SALL4: variants seen among roughly 807,000 people sequenced by gnomAD.
SALL4 encodes the protein spalt like transcription factor 4, also known as sal-like protein 4.
A neutral mutation model predicts 60.8 loss-of-function variants in SALL4; 4 were observed. The observed-to-expected ratio is 0.07, with a 90% CI of 0.03 to 0.15. The LOEUF (loss-of-function observed/expected upper bound fraction) is 0.15, where lower values mean the gene tolerates loss of function less well. Ranked by LOEUF, SALL4 falls within the 10% of genes least tolerant of loss-of-function variation. The pLI is 1.00. For synonymous variants in SALL4, 580 were observed against 574.9 expected (o/e 1.01, Z -0.13); for missense variants, 1,178 against 1,394.7 (o/e 0.84, Z 2.48).
chr20:51,802,169 C>A, intron 1 of SALL4, 110 bp downstream of exon 1: 1 of 1,352,074 alleles, frequency 7.4e-7, no homozygotes, highest in Non-Finnish European at 9.9e-7. Context: ...CAAATCTCGG[C>A]TCCTGAATTT....
chr20:51,798,945 G>T (rs1307557155), intron 1 of SALL4, among the ~76,000 whole-genome samples: 2 of 152,078 alleles, frequency 1.3e-5, no homozygotes, highest in Non-Finnish European at 2.9e-5. Context: ...GCAGGGCAAG[G>T]CACCACGGGC....
At chr20:51,800,956 C>T (rs1452912591) in intron 1 of SALL4, among the ~76,000 whole-genome samples, 1 of 152,162 alleles carries the variant, frequency 6.6e-6, no homozygotes. Flanking sequence ...GGCGGGGATA[C>T]GGAAGCCAAA....
chr20:51,787,948 A>G (rs1402677514), intron 3 of SALL4, among the ~76,000 whole-genome samples: 1 of 151,778 alleles, frequency 6.6e-6, no homozygotes, highest in Non-Finnish European at 1.5e-5. Context: ...CAGCCTCCCA[A>G]GTAGCTGGGC....
intron 3 of SALL4, among the ~76,000 whole-genome samples, chr20:51,785,477 T>G (rs1447789265): frequency 6.6e-6 from 1 of 152,156 alleles, no homozygotes; most frequent in Non-Finnish European, 1.5e-5. Flanking sequence ...CACTTTATAT[T>G]TAGAAAATCA....
chr20:51,784,122 A>G lies in SALL4; in HGVS notation c.*143T>C. On this transcript the variant is annotated 3_prime_UTR_variant, in exon 4 of 4. Transcript: ENST00000217086. The stretch of plus-strand genomic sequence containing the variant: ...CAATCGTGATTGTAGCACTTGCCTG[A>G]GGTTGTGGTCACAACCAACGTAGTA... 1 of 911,344 alleles carries G rather than the reference A, an allele frequency of 1.1e-6. No homozygotes were observed. Among genetic ancestry groups the G allele is most frequent in the Non-Finnish European group, 1.7e-6 (1 of 578,996 alleles). 56.5% of individuals were successfully genotyped at this position (911,344 alleles called of 1,614,324 possible).
At position 51,783,609 on chromosome 20, in the gene SALL4, T is replaced by C. The variant is rs1166785851; in HGVS notation, c.*656A>G. The stretch of plus-strand genomic sequence containing the variant: ...TTCAGTAAGTTCCAACGATTCTACC[T>C]TGAAATAGGTAACAGTCTTTGGAAA... On this transcript the variant is annotated 3_prime_UTR_variant, in exon 4 of 4. Transcript: ENST00000217086. The C allele has an allele frequency of 6.5e-6, 1 of 152,892 alleles. No homozygotes were observed. The highest frequency in any genetic ancestry group is 1.5e-5 in the Non-Finnish European group (1 of 68,650). The allele number at this position is 152,892 out of a possible 1,614,324, so 9.5% of individuals were successfully genotyped here. A position where few individuals can be genotyped will look rare whatever the true frequency, so the allele number is the denominator to read the frequency against.
At position 51,791,484 on chromosome 20, in the gene SALL4, A is replaced by G; in HGVS notation, c.999T>C (p.Ala333=). 6.2e-7 allele frequency: 1 copy of G among 1,614,120 alleles called. No homozygotes were observed. Among genetic ancestry groups the G allele is most frequent in the Non-Finnish European group, 8.5e-7 (1 of 1,179,988 alleles). Residue 333 remains alanine (A), a synonymous_variant, in exon 2 of 4, where the codon GCT becomes GCC. Coordinates refer to ENST00000217086, the MANE Select transcript of SALL4 (RefSeq NM_020436.5). The surrounding 1 kb of genome is among the most constrained non-coding windows in gnomAD (Gnocchi z 4.6). The part of the protein sequence containing the change: ...LPNVMSRLPS[A]LLPQAPGSVL... The stretch of plus-strand genomic sequence containing the variant: ...CCGAGCCCGGGGCCTGAGGAAGCAA[A>G]GCGCTCGGGAGGCGGGACATGACGT...
In SALL4 at chr20:51,788,531, A is replaced by G. The variant is rs950442203; in HGVS notation, c.2742+330T>C. On this transcript the variant is annotated intron_variant, in intron 3 of 3. Transcript: ENST00000217086. This position sits in a 1 kb window ranked among gnomAD's most constrained non-coding sequence, Gnocchi z 4.1. Reference sequence around the variant, plus strand: ...CGGTGAAACCCCACCTCTACTAAAAATACAAAAAAATTAGCCGGCCATGGT... The same window carrying G: ...CGGTGAAACCCCACCTCTACTAAAAGTACAAAAAAATTAGCCGGCCATGGT... 2.0e-5 allele frequency among the ~76,000 whole-genome samples: 3 copies of G among 152,022 alleles called. No individual in the cohort carries two copies. The highest frequency in any genetic ancestry group is 2.9e-5 in the Non-Finnish European group (2 of 67,996).
rs1305325839 is a variant in SALL4, at chr20:51,784,297, A to C, written c.3130T>G (p.Phe1044Val). The C allele has an allele frequency of 7.4e-6, 12 of 1,614,130 alleles. No homozygotes were observed. Among genetic ancestry groups the C allele is most frequent in the Non-Finnish European group, 1.0e-5 (12 of 1,180,024 alleles). ...ACCGCAATCTTGTTTTCTTCCAGGA[A>C]GTGAGGAAACTGGTGTTTGGGAACG... ...DGVPKHQFPH[F>V]LEENKIAVS Residue 1044 changes from phenylalanine to valine, a missense_variant, in exon 4 of 4, where the codon TTC becomes GTC. Physicochemically the swap from Phe to Val is conservative, Grantham distance 50 (BLOSUM62 -1). This residue lies in a region of SALL4 where 174 missense variants were observed against 169.6 expected (regional missense o/e 1.03). Coordinates refer to ENST00000217086, the MANE Select transcript of SALL4 (RefSeq NM_020436.5).
At chr20:51,802,169 CT>C in intron 1 of SALL4, 109 bp downstream of exon 1, 1 of 1,352,074 alleles carries the variant, frequency 7.4e-7, no homozygotes, top group Non-Finnish European at 9.9e-7. Context: ...CAAATCTCGG[CT>C]CCTGAATTTG....
At chr20:51,797,844 G>A (rs951111573) in intron 1 of SALL4, among the ~76,000 whole-genome samples, 3 of 152,044 alleles carry the variant, frequency 2.0e-5, no homozygotes, top group Admixed American at 6.6e-5. Flanking sequence ...TATTGTATAG[G>A]AAGAAAGTTC....
intron 1 of SALL4, among the ~76,000 whole-genome samples, chr20:51,799,898 A>G (rs537222532): frequency 7.2e-5 from 11 of 152,294 alleles, no homozygotes; most frequent in African/African-American, 2.2e-4. Context: ...GCTTTGCAAA[A>G]TAAGACCAGC....
chr20:51,797,107 G>C (rs1435009611), intron 1 of SALL4, among the ~76,000 whole-genome samples: 1 of 151,788 alleles, frequency 6.6e-6, no homozygotes, highest in Non-Finnish European at 1.5e-5. Flanking sequence ...TACCACAGTG[G>C]TATTAATAGA....
At position 51,784,236 on chromosome 20, in the gene SALL4, T is replaced by C. The variant is rs1229447974; in HGVS notation, c.*29A>G. On this transcript the variant is annotated 3_prime_UTR_variant, in exon 4 of 4. Transcript: ENST00000217086. ...CAGATTCTAGAGATTTCACTGTGTC[T>C]GCATTGCTCCTTCCACGCAAGTTCT... 3 of 1,611,656 alleles carry C rather than the reference T, an allele frequency of 1.9e-6. No individual in the cohort carries two copies. The highest frequency in any genetic ancestry group is 1.3e-5 in the African/African-American group (1 of 74,858).
Position 51,791,409 on chromosome 20 carries a change from T to C in SALL4, c.1074A>G (p.Lys358=). Residue 358 remains lysine (K), a synonymous_variant, in exon 2 of 4, where the codon AAA becomes AAG. Transcript: ENST00000217086. This position sits in a 1 kb window ranked among gnomAD's most constrained non-coding sequence, Gnocchi z 4.6. ...AGATGTTCGGTGGCTTCCCCTTCCC[T>C]TTCTTGGATGTGTCTAGCGCCACAG... is the stretch of plus-strand genomic sequence containing the variant. ...FSTVALDTSK[K]GKGKPPNISA... is the part of the protein sequence containing the mutation. 1 of 1,614,186 alleles carries C rather than the reference T, an allele frequency of 6.2e-7. No individual in the cohort carries two copies. The highest frequency in any genetic ancestry group is 8.5e-7 in the Non-Finnish European group (1 of 1,180,040).
In SALL4 at chr20:51,784,062, TTA is replaced by T. The variant is rs901866958; in HGVS notation, c.*201_*202del. On this transcript the variant is annotated 3_prime_UTR_variant, in exon 4 of 4. Coordinates refer to ENST00000217086, the MANE Select transcript of SALL4 (RefSeq NM_020436.5). Reference sequence around the variant, plus strand: ...ATTTGTTTTGGTATGCATTTTTTTTTTATTTTTTCAACTTTTTGCAAAGCAGC... The same window carrying T: ...ATTTGTTTTGGTATGCATTTTTTTTTTTTTTTCAACTTTTTGCAAAGCAGC... 1.6e-6 allele frequency: 1 copy of T among 625,866 alleles called. No homozygotes were observed. The highest frequency in any genetic ancestry group is 1.8e-5 in the African/African-American group (1 of 54,220). 38.8% of individuals were successfully genotyped at this position (625,866 alleles called of 1,614,324 possible). A position where few individuals can be genotyped will look rare whatever the true frequency, so the allele number is the denominator to read the frequency against.
In SALL4 at chr20:51,802,363, C is replaced by T. The variant is rs1318541476; in HGVS notation, c.46G>A (p.Glu16Lys). 8.1e-6 allele frequency: 13 copies of T among 1,611,390 alleles called. No individual in the cohort carries two copies. The highest frequency in any genetic ancestry group is 1.3e-5 in the African/African-American group (1 of 74,874). The change falls in exon 1 of 4, where the codon GAG becomes AAG. Residue 16 changes from glutamate (E) to lysine (K), a missense_variant. By Grantham distance (56) the Glu-to-Lys change is moderately conservative. Around this residue, in one of 5 missense-constraint regions of SALL4, gnomAD observed 108 missense variants for 95.7 expected, o/e 1.13. Coordinates refer to ENST00000217086, the MANE Select transcript of SALL4 (RefSeq NM_020436.5). ...TGCGGCTGCTGCTCGCCCTGGTCCT[C>T]CTCCGAGTTGATGTGCTGGGGTTTC... ...QAKPQHINSE[E>K]DQGEQQPQQQ...
At position 51,802,435 on chromosome 20, in the gene SALL4, G is replaced by A. The variant is rs534291851; in HGVS notation, c.-27C>T. The A allele has an allele frequency of 2.0e-5, 33 of 1,612,584 alleles. No individual in the cohort carries two copies. Among genetic ancestry groups the A allele is most frequent in the Admixed American group, 5.0e-5 (3 of 59,996 alleles). The stretch of plus-strand genomic sequence containing the variant: ...GTGCGAGCATCGGGGCGCCGGGAGA[G>A]CCGCAGTTATTTGCCCTCTCCGCCA... On this transcript the variant is annotated 5_prime_UTR_variant, in exon 1 of 4. Coordinates refer to ENST00000217086, the MANE Select transcript of SALL4 (RefSeq NM_020436.5).
chr20:51,798,847 AAAC>A (rs2078094120), intron 1 of SALL4, among the ~76,000 whole-genome samples: 1 of 119,262 alleles, frequency 8.4e-6, no homozygotes, highest in South Asian at 3.1e-4. Flanking sequence ...AAACCAATAA[AAAC>A]AAAACAAAAC....
Sources: gnomAD v4.1 joint callset for allele counts (sites outside exome capture counted in the v4.1 genomes callset) on GRCh38, gnomAD v4.1.1 for gene constraint, gnomAD v4.1.1 regional missense constraint, Gnocchi (gnomAD v3.1) non-coding constraint, MANE v1.5 for transcripts, NCBI Gene and HGNC (gene_info 2026-07-23, HGNC 2026-07-21) for gene names.